NAA11: variants seen among roughly 807,000 people sequenced by gnomAD.
NAA11 encodes the protein N-alpha-acetyltransferase 11, NatA catalytic subunit.
NAA11 carries 15 observed loss-of-function variants against 16.1 expected under a neutral mutation model. The observed-to-expected ratio is 0.93, with a 90% confidence interval of 0.62 to 1.44. The LOEUF is 1.44. NAA11 is among the 40% of genes most tolerant of loss of function. The pLI is 0.00. For missense variants in NAA11, 298 were observed against 291.3 expected, an observed-to-expected ratio of 1.02 and a Z score of -0.17; for synonymous variants, 122 against 112.4, an observed-to-expected ratio of 1.09 and a Z score of -0.54.
chr4:79,240,603 A>G (rs1041950506), intron 2 of NAA11, among the ~76,000 whole-genome samples: 1 of 152,206 alleles, frequency 6.6e-6, no homozygotes, highest in Non-Finnish European at 1.5e-5. Flanking sequence ...CATGGAAGAT[A>G]CTTCCATCAG....
intron 2 of NAA11, among the ~76,000 whole-genome samples, chr4:79,237,340 T>C (rs1304405063): frequency 1.3e-5 from 2 of 152,172 alleles, no homozygotes; most frequent in East Asian, 1.9e-4. Flanking sequence ...TGTCTAGAGA[T>C]GGTTTTAAGT....
intron 2 of NAA11, among the ~76,000 whole-genome samples, chr4:79,280,223 A>C (rs950705609): frequency 1.4e-5 from 2 of 145,264 alleles, no homozygotes; most frequent in African/African-American, 5.3e-5. Flanking sequence ...GCAGATTGTG[A>C]AGGCTTTAAA....
At chr4:79,243,198 C>T (rs2109962417) in intron 2 of NAA11, among the ~76,000 whole-genome samples, 1 of 152,280 alleles carries the variant, frequency 6.6e-6, no homozygotes, top group African/African-American at 2.4e-5. Flanking sequence ...TTTTGAAGAC[C>T]TCAGGACCCT....
chr4:79,209,100 T>G, the NAA11 span, among the ~76,000 whole-genome samples: 1 of 152,074 alleles, frequency 6.6e-6, no homozygotes, highest in Non-Finnish European at 1.5e-5. Flanking sequence ...GACAGGCTGG[T>G]GAGAAGTTCG....
chr4:79,202,606 TAC>T, the NAA11 span, among the ~76,000 whole-genome samples: 7 of 117,246 alleles, frequency 6.0e-5, 1 homozygote, highest in East Asian at 2.6e-4. Context: ...TAGTTTTATA[TAC>T]AGTTATATAT....
chr4:79,170,280 A>C, the NAA11 span, among the ~76,000 whole-genome samples: 2 of 152,146 alleles, frequency 1.3e-5, no homozygotes, highest in Non-Finnish European at 2.9e-5. Context: ...TTCCATTTTC[A>C]GTTTCCACTG....
intron 2 of NAA11, among the ~76,000 whole-genome samples, chr4:79,253,311 A>G (rs1722035781): frequency 6.6e-6 from 1 of 152,236 alleles, no homozygotes; most frequent in South Asian, 2.1e-4. Context: ...GAATATAAAA[A>G]TGTGGAGTTT....
At chr4:79,207,891 A>G in the NAA11 span, among the ~76,000 whole-genome samples, 1 of 152,178 alleles carries the variant, frequency 6.6e-6, no homozygotes, top group Non-Finnish European at 1.5e-5. Context: ...TATCTTCAAC[A>G]TCTTCTCTAT....
chr4:79,219,147 A>T, the NAA11 span, among the ~76,000 whole-genome samples: 1 of 152,174 alleles, frequency 6.6e-6, no homozygotes, highest in African/African-American at 2.4e-5. Context: ...CAAGATTTTA[A>T]AAACTGTTTT....
At chr4:79,249,790 T>C in intron 2 of NAA11, among the ~76,000 whole-genome samples, 1 of 152,202 alleles carries the variant, frequency 6.6e-6, no homozygotes, top group East Asian at 1.9e-4. Context: ...CAAGAATACC[T>C]TCTCCAAGAC....
At chr4:79,192,359 C>G in the NAA11 span, among the ~76,000 whole-genome samples, 2 of 146,916 alleles carry the variant, frequency 1.4e-5, no homozygotes, top group Non-Finnish European at 1.5e-5. Flanking sequence ...GGTATATCTC[C>G]TAATGCTATC....
chr4:79,268,726 GT>G (rs760746830), intron 2 of NAA11, among the ~76,000 whole-genome samples: 2 of 151,574 alleles, frequency 1.3e-5, no homozygotes, highest in African/African-American at 2.4e-5. Context: ...TATACTTTAA[GT>G]TTTAGGGTAC....
intron 2 of NAA11, among the ~76,000 whole-genome samples, chr4:79,239,034 GTT>G (rs1721633286): frequency 9.9e-5 from 15 of 152,274 alleles, no homozygotes; most frequent in Admixed American, 5.9e-4. Flanking sequence ...ATAGACTTAT[GTT>G]TAAGTCTAGA....
At chr4:79,192,978 GTGA>G in the NAA11 span, among the ~76,000 whole-genome samples, 1 of 152,190 alleles carries the variant, frequency 6.6e-6, no homozygotes, top group Non-Finnish European at 1.5e-5. Flanking sequence ...CTGATGGCCA[GTGA>G]TGATGAGCAT....
chr4:79,230,330 C>T lies in NAA11; in HGVS notation c.*123-4060G>A, dbSNP rs994543295. On this transcript the variant is annotated intron_variant and NMD_transcript_variant, in intron 2 of 2. Coordinates refer to the NAA11 transcript ENST00000511542. ...GGGAGATATACCTAATGCTAGATGACGAGTTAGTGGGTGCAGCACACCAGC... is the reference window on the plus strand; with the variant it reads ...GGGAGATATACCTAATGCTAGATGATGAGTTAGTGGGTGCAGCACACCAGC... 1.3e-4 allele frequency among the ~76,000 whole-genome samples: 20 copies of T among 151,804 alleles called. 1 individual carries two copies. Among genetic ancestry groups the T allele is most frequent in the East Asian group, 3.9e-4 (2 of 5,136 alleles).
the NAA11 span, among the ~76,000 whole-genome samples, chr4:79,171,566 A>T: frequency 6.6e-6 from 1 of 152,216 alleles, no homozygotes; most frequent in East Asian, 1.9e-4. Flanking sequence ...TATAGTTATT[A>T]TATAGTAAAG....
chr4:79,157,898 A>ATT, the NAA11 span, among the ~76,000 whole-genome samples: 5,204 of 125,948 alleles, frequency 0.041, 485 homozygotes, highest in African/African-American at 0.15. Flanking sequence ...ATTGCTGATG[A>ATT]TTTTTTTTTT....
At chr4:79,197,328 A>G in the NAA11 span, among the ~76,000 whole-genome samples, 1 of 151,942 alleles carries the variant, frequency 6.6e-6, no homozygotes. Context: ...ATGAATCTCT[A>G]TTGAATGTGT....
In NAA11 at chr4:79,284,287, A is replaced by G. The variant is rs17003705; in HGVS notation, c.*122+9718T>C. ...GGGCTATAGTGTCCCACCAAAGTCA[A>G]TGCTTAACCATGGCTCTGGAGTAAT... On this transcript the variant is annotated intron_variant and NMD_transcript_variant, in intron 2 of 2. Transcript: ENST00000511542. Among the ~76,000 whole-genome samples the G allele has an allele frequency of 4.1e-3, 625 of 152,226 alleles. 3 individuals carry two copies. The highest frequency in any genetic ancestry group is 0.014 in the African/African-American group (587 of 41,550).
Sources: gnomAD v4.1 joint callset for allele counts (sites outside exome capture counted in the v4.1 genomes callset) on GRCh38, gnomAD v4.1.1 for gene constraint, MANE v1.5 for transcripts, NCBI Gene and HGNC (gene_info 2026-07-23, HGNC 2026-07-21) for gene names.